The following MYO10 variants were observed in gnomAD, a reference collection of about 807,000 sequenced individuals.
MYO10 encodes unconventional myosin-X.
In MYO10, 133 loss-of-function variants were observed where a neutral mutation model predicts 257.3. The ratio of observed to expected loss-of-function variants is 0.52; its 90% CI spans 0.45 to 0.60. MYO10 has a LOEUF of 0.60. Among genes scored for constraint, MYO10 ranks in the 20% least tolerant of loss-of-function variants. The pLI is 0.00. For synonymous variants in MYO10, 1,104 were observed against 1,028.6 expected (o/e 1.07, Z -1.40); for missense variants, 2,399 against 2,635.7 (o/e 0.91, Z 1.97).
In MYO10 at chr5:16,702,969, C is replaced by A; in HGVS notation, c.2466G>T (p.Lys822Asn). The A allele has an allele frequency of 6.4e-7, 1 of 1,551,956 alleles. No homozygotes were observed. The highest frequency in any genetic ancestry group is 2.4e-5 in the East Asian group (1 of 40,910). The change falls in exon 23 of 41, where the codon AAG (lysine) becomes AAT (asparagine). Residue 822 changes from lysine to asparagine, a missense_variant. Coordinates refer to ENST00000513610, the MANE Select transcript of MYO10 (RefSeq NM_012334.3). ...TCTTCTTTTCTTCCTCTTCCTGTTTCTTCTTTTCTTCTTGCTCCCTTTTCT... is the reference window on the plus strand; with the variant it reads ...TCTTCTTTTCTTCCTCTTCCTGTTTATTCTTTTCTTCTTGCTCCCTTTTCT... ...LAEKREQEEK[K>N]KQEEEEKKKR...
chr5:16,920,431 A>T (rs1032132599), intron 1 of MYO10, among the ~76,000 whole-genome samples: 2 of 152,240 alleles, frequency 1.3e-5, no homozygotes, highest in African/African-American at 4.8e-5. Flanking sequence ...ATATGTACTG[A>T]TCGATTCCAT....
chr5:16,887,334 C>G (rs28499310), intron 1 of MYO10, among the ~76,000 whole-genome samples: 1,832 of 152,266 alleles, frequency 0.012, 29 homozygotes, highest in African/African-American at 0.042. Flanking sequence ...GGAAAAGATA[C>G]AAAGATTCAC....
At chr5:16,815,196 A>G (rs139887443) in intron 3 of MYO10, 144 of 428,572 alleles carry the variant, frequency 3.4e-4, no homozygotes, top group East Asian at 3.3e-3. Flanking sequence ...TTCTCTAATG[A>G]CAGCAAAGTA....
chr5:16,724,371 G>A (rs751447609), intron 19 of MYO10, among the ~76,000 whole-genome samples: 5 of 152,116 alleles, frequency 3.3e-5, no homozygotes, highest in Non-Finnish European at 7.4e-5. Context: ...GTTGGAGCGA[G>A]AATTTTGCAA....
In MYO10 at chr5:16,711,039, C is replaced by T. The variant is rs746039606; in HGVS notation, c.2055-17G>A. On this transcript the variant is annotated splice_polypyrimidine_tract_variant and intron_variant, in intron 20 of 40. Coordinates refer to ENST00000513610, the MANE Select transcript of MYO10 (RefSeq NM_012334.3). ...ACTTTATACCTGCAACGTGAAGACA[C>T]ACAGGGTCACCTTCTGCGATGGTTC... is the stretch of plus-strand genomic sequence containing the variant. 2 of 1,613,860 alleles carry T rather than the reference C, an allele frequency of 1.2e-6. No homozygotes were observed. The highest frequency in any genetic ancestry group is 1.7e-6 in the Non-Finnish European group (2 of 1,179,762).
intron 30 of MYO10, among the ~76,000 whole-genome samples, chr5:16,682,572 C>A (rs1737056698): frequency 6.6e-6 from 1 of 152,204 alleles, no homozygotes; most frequent in Non-Finnish European, 1.5e-5. Context: ...TCCCTCACCT[C>A]TTTTTGTCTG....
intron 2 of MYO10, among the ~76,000 whole-genome samples, chr5:16,838,512 G>A (rs767154121): frequency 1.1e-4 from 16 of 152,164 alleles, no homozygotes; most frequent in African/African-American, 1.2e-4. Flanking sequence ...GCACAGATTC[G>A]TTGATGAGAT....
intron 19 of MYO10, among the ~76,000 whole-genome samples, chr5:16,724,481 C>T (rs1739275703): frequency 6.6e-6 from 1 of 152,120 alleles, no homozygotes; most frequent in South Asian, 2.1e-4. Flanking sequence ...TCAAATATGA[C>T]TCTAAAGGAA....
In MYO10 at chr5:16,779,589, C is replaced by T. The variant is rs201022172; in HGVS notation, c.886G>A (p.Glu296Lys). The change falls in exon 9 of 41, where the codon GAA (glutamate) becomes AAA (lysine). Residue 296 changes from glutamate to lysine, a missense_variant. Physicochemically the swap from Glu to Lys is moderately conservative, Grantham distance 56. Transcript: ENST00000513610. ...TCCTGGTCACTGATTGTCTTGTCTT[C>T]TACACATCCAGACTGATTCAAGTAG... Reference protein sequence around the residue: ...YHYLNQSGCVEDKTISDQESF... With the variant: ...YHYLNQSGCVKDKTISDQESF... 1.1e-5 allele frequency: 18 copies of T among 1,597,770 alleles called. No homozygotes were observed. The East Asian group carries it at 3.6e-4, about 32-fold the overall frequency.
At chr5:16,880,255 G>T (rs1167244563) in intron 1 of MYO10, among the ~76,000 whole-genome samples, 1 of 23,228 alleles carries the variant, frequency 4.3e-5, no homozygotes, top group Non-Finnish European at 8.8e-5. Flanking sequence ...ATCCATAGTT[G>T]TCACTCTTTG....
chr5:16,684,019 CCAAT>C lies in MYO10; in HGVS notation c.3991-88_3991-85del, dbSNP rs1476861983. ...CAGTAATACCTCTAGCCCACAACTC[CCAAT>C]CAGACAGAAAAGGCTCTTTTCTTTT... On this transcript the variant is annotated intron_variant, in intron 29 of 40. Coordinates refer to ENST00000513610, the MANE Select transcript of MYO10 (RefSeq NM_012334.3). 5.7e-6 allele frequency: 7 copies of C among 1,228,530 alleles called. No individual in the cohort carries two copies. The Admixed American group carries it at 1.4e-4, about 24-fold the overall frequency. 76.1% of individuals were successfully genotyped at this position (1,228,530 alleles called of 1,614,324 possible).
At chr5:16,802,450 A>C (rs1295150802) in intron 3 of MYO10, among the ~76,000 whole-genome samples, 1 of 151,792 alleles carries the variant, frequency 6.6e-6, no homozygotes, top group Non-Finnish European at 1.5e-5. Flanking sequence ...TGAGGTCAGG[A>C]GATTGAGACC....
intron 3 of MYO10, among the ~76,000 whole-genome samples, chr5:16,816,839 A>G (rs1742631757): frequency 7.3e-6 from 1 of 136,226 alleles, no homozygotes; most frequent in Non-Finnish European, 1.6e-5. Context: ...TTTTTTTCTG[A>G]GACAGAGTTT....
chr5:16,785,319 TCAA>T, intron 4 of MYO10, among the ~76,000 whole-genome samples: 1 of 152,170 alleles, frequency 6.6e-6, no homozygotes, highest in South Asian at 2.1e-4. Context: ...GGGGAGGCAT[TCAA>T]CAACAGTGCA....
At chr5:16,735,682 C>CG (rs1282811319) in intron 19 of MYO10, among the ~76,000 whole-genome samples, 5 of 133,208 alleles carry the variant, frequency 3.8e-5, no homozygotes, top group South Asian at 2.6e-4. Flanking sequence ...GACAGAGCCT[C>CG]GGGAAAAAAA....
In MYO10 at chr5:16,665,691, T is replaced by G. The variant is rs1736132558; in HGVS notation, c.*1001A>C. On this transcript the variant is annotated 3_prime_UTR_variant, in exon 41 of 41. Coordinates refer to ENST00000513610, the MANE Select transcript of MYO10 (RefSeq NM_012334.3). Reference sequence around the variant, plus strand: ...TATCCAGAATGATAGAAGCTAACCTTCCAAGTAACACTTTGTTTTTAACTT... The same window carrying G: ...TATCCAGAATGATAGAAGCTAACCTGCCAAGTAACACTTTGTTTTTAACTT... The G allele has an allele frequency of 6.6e-6, 1 of 152,596 alleles. No homozygotes were observed. The highest frequency in any genetic ancestry group is 2.1e-4 in the South Asian group (1 of 4,834). The allele number at this position is 152,596 out of a possible 1,614,324, so 9.5% of individuals were successfully genotyped here.
At position 16,672,773 on chromosome 5, in the gene MYO10, A is replaced by C. The variant is rs780381734; in HGVS notation, c.5225T>G (p.Phe1742Cys). The change falls in exon 37 of 41, where the codon TTT becomes TGT. Residue 1742 changes from phenylalanine (F) to cysteine (C), a missense_variant. Phe to Cys is a radical substitution (Grantham distance 205). Around this residue, in one of 3 missense-constraint regions of MYO10, gnomAD observed 1,820 missense variants for 1,939.4 expected, o/e 0.94. Transcript: ENST00000513610. ...GLAMEDSRNM[F>C]ALFEYNGHVD... ...GTGGCCGTTGTATTCAAACAAAGCA[A>C]ACATGTTCCTGCTGTCCTCCATGGC... 6.2e-7 allele frequency: 1 copy of C among 1,613,954 alleles called. No individual in the cohort carries two copies. Among genetic ancestry groups the C allele is most frequent in the Non-Finnish European group, 8.5e-7 (1 of 1,179,868 alleles).
At chr5:16,904,452 G>A (rs1745466411) in intron 1 of MYO10, among the ~76,000 whole-genome samples, 1 of 152,226 alleles carries the variant, frequency 6.6e-6, no homozygotes, top group Admixed American at 6.5e-5. Flanking sequence ...CCTGCGGCTT[G>A]TGACTATCAT....
chr5:16,706,482 A>G (rs1056288528), intron 21 of MYO10, among the ~76,000 whole-genome samples: 4 of 152,112 alleles, frequency 2.6e-5, no homozygotes, highest in Non-Finnish European at 5.9e-5. Context: ...CTTCTCTGAG[A>G]TTTTTGTTTG....
Sources: gnomAD v4.1 joint callset for allele counts (sites outside exome capture counted in the v4.1 genomes callset) on GRCh38, gnomAD v4.1.1 for gene constraint, gnomAD v4.1.1 regional missense constraint, MANE v1.5 for transcripts, NCBI Gene and HGNC (gene_info 2026-07-23, HGNC 2026-07-21) for gene names.